Variants in LARS1 observed in about 807,000 individuals in gnomAD.
The protein encoded by LARS1 is leucine--tRNA ligase, cytoplasmic.
LARS1 carries 100 observed loss-of-function variants against 162.8 expected under a neutral mutation model. The observed-to-expected ratio is 0.61, with a 90% confidence interval of 0.52 to 0.73. The LOEUF (loss-of-function observed/expected upper bound fraction) is 0.73. LARS1 is among the 30% of genes least tolerant of loss of function. The pLI is 0.00. For synonymous variants in LARS1, 457 were observed against 462.8 expected (o/e 0.99, Z 0.16); for missense variants, 1,258 against 1,408.9 (o/e 0.89, Z 1.71).
chr5:146,153,610 A>T, intron 12 of LARS1, 124 bp downstream of exon 12: 1 of 694,974 alleles, frequency 1.4e-6, no homozygotes, highest in East Asian at 2.7e-5. Context: ...TCAAGAAACA[A>T]GTTAGAGATA....
In LARS1 at chr5:146,182,589, G is replaced by T; in HGVS notation, c.-96C>A. Reference sequence around the variant, plus strand: ...TTCCCCTCCCTCTCGGGGATGCCAGGCCTCCCACGAAACTAAAGCACACGC... The same window carrying T: ...TTCCCCTCCCTCTCGGGGATGCCAGTCCTCCCACGAAACTAAAGCACACGC... On this transcript the variant is annotated 5_prime_UTR_variant, in exon 1 of 32. Coordinates refer to ENST00000394434, the MANE Select transcript of LARS1 (RefSeq NM_020117.11). 6.5e-7 allele frequency: 1 copy of T among 1,531,236 alleles called. No homozygotes were observed. Among genetic ancestry groups the T allele is most frequent in the South Asian group, 1.1e-5 (1 of 89,464 alleles). The allele number at this position is 1,531,236 out of a possible 1,614,324, so 94.9% of individuals were successfully genotyped here.
At chr5:146,126,365 T>TC in intron 28 of LARS1, 70 bp downstream of exon 28, 2 of 896,888 alleles carry the variant, frequency 2.2e-6, no homozygotes, top group Non-Finnish European at 3.6e-6. Context: ...CCAAGGCTTT[T>TC]CCCCATCCTT....
intron 21 of LARS1, among the ~76,000 whole-genome samples, chr5:146,136,168 C>A (rs759792121): frequency 6.6e-6 from 1 of 152,202 alleles, no homozygotes; most frequent in Admixed American, 6.5e-5. Flanking sequence ...GCCTAGCAAT[C>A]TTTATCGCTT....
chr5:146,142,407 T>C (rs1318508960), intron 20 of LARS1, among the ~76,000 whole-genome samples: 1 of 152,200 alleles, frequency 6.6e-6, no homozygotes, highest in African/African-American at 2.4e-5. Flanking sequence ...TTGAACAGAC[T>C]GAGAGGTTTG....
chr5:146,128,663 G>C lies in LARS1; in HGVS notation c.2880+9C>G. The C allele has an allele frequency of 5.2e-6, 8 of 1,535,188 alleles. No individual in the cohort carries two copies. Among genetic ancestry groups the C allele is most frequent in the Non-Finnish European group, 7.0e-6 (8 of 1,144,910 alleles). The stretch of plus-strand genomic sequence containing the variant: ...CCATCAGGGGGGAAAAGTCTACTGA[G>C]AGCATCACCTCAAAGTGTTTACGTA... On this transcript the variant is annotated intron_variant, in intron 27 of 31. Transcript: ENST00000394434.
At chr5:146,166,350 T>C (rs1754002250) in intron 5 of LARS1, among the ~76,000 whole-genome samples, 1 of 152,126 alleles carries the variant, frequency 6.6e-6, no homozygotes, top group Non-Finnish European at 1.5e-5. Context: ...CTAGCTTTAT[T>C]CTAATAAAAA....
chr5:146,172,062 C>G, intron 3 of LARS1, 72 bp from the exon 4 acceptor site: 1 of 1,347,484 alleles, frequency 7.4e-7, no homozygotes, highest in Admixed American at 1.8e-5. Context: ...ACTTTTCACA[C>G]AAAAAAATTA....
chr5:146,113,927 T>G lies in LARS1; in HGVS notation c.*179A>C. ...ACACCCAAAGAAAGGGAAAAAAAAT[T>G]TATTAGGTCCAGGAATCAAAGATGA... On this transcript the variant is annotated 3_prime_UTR_variant, in exon 32 of 32. Transcript: ENST00000394434. 1 of 556,010 alleles carries G rather than the reference T, an allele frequency of 1.8e-6. No individual in the cohort carries two copies. The allele number at this position is 556,010 out of a possible 1,614,324, so 34.4% of individuals were successfully genotyped here.
intron 19 of LARS1, 22 bp from the exon 20 acceptor site, chr5:146,143,106 C>T (rs1315077488): frequency 1.2e-5 from 15 of 1,245,246 alleles, no homozygotes; most frequent in East Asian, 2.6e-5. Flanking sequence ...ATAAAACAAA[C>T]TATTTTATAT....
intron 13 of LARS1, among the ~76,000 whole-genome samples, chr5:146,152,923 C>T (rs546261739): frequency 2.0e-4 from 31 of 152,314 alleles, no homozygotes; most frequent in Admixed American, 1.8e-3. Flanking sequence ...AAGCAAGCTA[C>T]TATAAAATTG....
chr5:146,164,305 C>A lies in LARS1; in HGVS notation c.594+5G>T. 1.9e-6 allele frequency: 3 copies of A among 1,612,570 alleles called. No homozygotes were observed. The highest frequency in any genetic ancestry group is 2.5e-6 in the Non-Finnish European group (3 of 1,178,830). ...GCTTTCCTCATATTTCCTTTATAGA[C>A]ATACCTTCAAACCCATTCTTTTTAA... On this transcript the variant is annotated splice_donor_5th_base_variant and intron_variant, in intron 6 of 31. Transcript: ENST00000394434.
chr5:146,172,620 AT>A, intron 3 of LARS1, 66 bp downstream of exon 3: 1 of 877,042 alleles, frequency 1.1e-6, no homozygotes, highest in East Asian at 2.9e-5. Context: ...TATAGCTGCC[AT>A]TTTCTTCAAA....
chr5:146,133,233 T>C (rs920503916), intron 22 of LARS1, 152 bp from the exon 23 acceptor site: 3 of 576,892 alleles, frequency 5.2e-6, no homozygotes, highest in African/African-American at 3.8e-5. Context: ...AAAATTAAAA[T>C]CACCAAAAAG....
chr5:146,180,851 C>T (rs1278037782), intron 1 of LARS1, among the ~76,000 whole-genome samples: 4 of 152,202 alleles, frequency 2.6e-5, no homozygotes, highest in Non-Finnish European at 5.9e-5. Flanking sequence ...ACTACTTACA[C>T]TTTGGGCCAA....
At chr5:146,136,900 TC>T (rs1752524412) in intron 21 of LARS1, among the ~76,000 whole-genome samples, 2 of 152,194 alleles carry the variant, frequency 1.3e-5, no homozygotes, top group Admixed American at 6.5e-5. Flanking sequence ...AACTATTTTC[TC>T]CTTTTTCCCT....
Position 146,114,019 on chromosome 5 carries a change from G to T in LARS1, c.*87C>A. The T allele has an allele frequency of 1.0e-6, 1 of 979,660 alleles. No homozygotes were observed. Among genetic ancestry groups the T allele is most frequent in the Non-Finnish European group, 1.6e-6 (1 of 610,930 alleles). The allele number at this position is 979,660 out of a possible 1,614,324, so 60.7% of individuals were successfully genotyped here. A position where few individuals can be genotyped will look rare whatever the true frequency, so the allele number is the denominator to read the frequency against. ...AATGAAATCAATCTATTTAGGTCCA[G>T]CCTAAGGTTCTGATAGCCAATCAGT... On this transcript the variant is annotated 3_prime_UTR_variant, in exon 32 of 32. Transcript: ENST00000394434.
intron 2 of LARS1, among the ~76,000 whole-genome samples, chr5:146,175,497 A>G (rs62373810): frequency 0.22 from 32,496 of 145,542 alleles, 4,610 homozygotes; most frequent in Admixed American, 0.33. Context: ...AGCCGAGATC[A>G]TGCCACTGCA....
chr5:146,136,482 AT>A (rs35080569), intron 21 of LARS1, among the ~76,000 whole-genome samples: 3,230 of 141,556 alleles, frequency 0.023, 110 homozygotes, highest in African/African-American at 0.075. Context: ...CAGATTACCT[AT>A]TTTTTTTTTT....
intron 8 of LARS1, among the ~76,000 whole-genome samples, chr5:146,158,613 G>C (rs1268108750): frequency 2.0e-5 from 3 of 152,146 alleles, no homozygotes; most frequent in African/African-American, 7.2e-5. Flanking sequence ...TCTAGGCATG[G>C]CTAGAATTAC....
Sources: gnomAD v4.1 joint callset for allele counts (sites outside exome capture counted in the v4.1 genomes callset) on GRCh38, gnomAD v4.1.1 for gene constraint, MANE v1.5 for transcripts, NCBI Gene and HGNC (gene_info 2026-07-23, HGNC 2026-07-21) for gene names.